The following PDE1C variants were observed in gnomAD, a reference collection of about 807,000 sequenced individuals.
The protein encoded by PDE1C is dual specificity calcium/calmodulin-dependent 3',5'-cyclic nucleotide phosphodiesterase 1C.
In PDE1C, 62 loss-of-function variants were observed where a neutral mutation model predicts 93.1. That is an observed-to-expected ratio of 0.67 (90% CI 0.54 to 0.82). The LOEUF (loss-of-function observed/expected upper bound fraction) is 0.82, where lower values mean the gene tolerates loss of function less well. Ranked by LOEUF, PDE1C falls within the 40% of genes least tolerant of loss-of-function variation. The pLI is 0.00. For synonymous variants in PDE1C, 325 were observed against 310.1 expected, an observed-to-expected ratio of 1.05 and a Z score of -0.50; for missense variants, 742 against 884.6, an observed-to-expected ratio of 0.84 and a Z score of 2.04.
intron 2 of PDE1C, among the ~76,000 whole-genome samples, chr7:32,004,239 G>A (rs527721725): frequency 1.4e-5 from 2 of 142,734 alleles, no homozygotes; most frequent in African/African-American, 5.3e-5. Flanking sequence ...ACACAAAATG[G>A]CCCCCAAAAA....
At chr7:31,676,159 A>C in the PDE1C span, among the ~76,000 whole-genome samples, 14 of 152,328 alleles carry the variant, frequency 9.2e-5, no homozygotes, top group East Asian at 2.7e-3. Flanking sequence ...CAGCTAAGCC[A>C]AGGGCTGTCC....
intron 2 of PDE1C, among the ~76,000 whole-genome samples, chr7:31,891,914 A>T (rs553671345): frequency 3.4e-4 from 52 of 152,254 alleles, no homozygotes; most frequent in Middle Eastern, 3.4e-3. Context: ...GGGTTGTGAA[A>T]TTGTCCTGTA....
At chr7:32,109,291 G>C (rs1798516290) in intron 3 of PDE1C, among the ~76,000 whole-genome samples, 1 of 152,112 alleles carries the variant, frequency 6.6e-6, no homozygotes, top group Non-Finnish European at 1.5e-5. Flanking sequence ...GGATAACATA[G>C]GCTTTAATAA....
intron 1 of PDE1C, among the ~76,000 whole-genome samples, chr7:32,256,446 G>A (rs12701209): frequency 0.12 from 17,725 of 152,106 alleles, 1,106 homozygotes; most frequent in East Asian, 0.15. Context: ...CCTGGAATTC[G>A]CACCCCAGCT....
chr7:31,677,510 A>G, the PDE1C span, among the ~76,000 whole-genome samples: 7 of 152,192 alleles, frequency 4.6e-5, no homozygotes, highest in Admixed American at 1.3e-4. Context: ...GTCTTTGAAC[A>G]TAATTCATCA....
intron 16 of PDE1C, among the ~76,000 whole-genome samples, chr7:31,801,994 A>G (rs1173155943): frequency 2.0e-5 from 3 of 151,562 alleles, no homozygotes; most frequent in Non-Finnish European, 4.4e-5. Flanking sequence ...GTATAAAGGC[A>G]TAATATATTT....
At chr7:31,624,862 C>T in the PDE1C span, among the ~76,000 whole-genome samples, 1 of 152,126 alleles carries the variant, frequency 6.6e-6, no homozygotes, top group African/African-American at 2.4e-5. Flanking sequence ...AAAATTTTCG[C>T]AACCTATTCA....
upstream of PDE1C, among the ~76,000 whole-genome samples, chr7:32,301,685 A>T (rs1812884545): frequency 6.6e-6 from 1 of 152,236 alleles, no homozygotes; most frequent in African/African-American, 2.4e-5. Context: ...TCAAGAAAAA[A>T]TGAGTTCAAG....
chr7:32,036,565 C>T (rs775006284), intron 2 of PDE1C, among the ~76,000 whole-genome samples: 2 of 151,992 alleles, frequency 1.3e-5, no homozygotes, highest in Non-Finnish European at 2.9e-5. Flanking sequence ...AAGTAATAAA[C>T]AAGTAGCAAG....
At chr7:32,089,551 G>A (rs552361311) in intron 3 of PDE1C, among the ~76,000 whole-genome samples, 7 of 152,260 alleles carry the variant, frequency 4.6e-5, no homozygotes, top group Admixed American at 1.3e-4. Context: ...ACCACTAGTC[G>A]AAGGCTACAA....
At chr7:31,742,350 C>G in the PDE1C span, among the ~76,000 whole-genome samples, 1 of 152,182 alleles carries the variant, frequency 6.6e-6, no homozygotes, top group Non-Finnish European at 1.5e-5. Flanking sequence ...GTTTCTGTTT[C>G]TTTTAATAAC....
chr7:32,234,985 C>T (rs1247184172), intron 1 of PDE1C, among the ~76,000 whole-genome samples: 1 of 151,982 alleles, frequency 6.6e-6, no homozygotes, highest in African/African-American at 2.4e-5. Flanking sequence ...ACCATGTTAA[C>T]AGCCTAAAAA....
intron 3 of PDE1C, among the ~76,000 whole-genome samples, chr7:32,082,622 C>T (rs1295894345): frequency 6.6e-6 from 1 of 152,210 alleles, no homozygotes; most frequent in African/African-American, 2.4e-5. Flanking sequence ...CAGACTGACA[C>T]CTCACACGGC....
At chr7:32,171,596 T>C (rs1303338566) in intron 2 of PDE1C, among the ~76,000 whole-genome samples, 1 of 150,724 alleles carries the variant, frequency 6.6e-6, no homozygotes, top group East Asian at 1.9e-4. Context: ...AAATTATTAT[T>C]TTACTTAATG....
the PDE1C span, among the ~76,000 whole-genome samples, chr7:31,633,694 C>CTT: frequency 7.9e-5 from 12 of 152,188 alleles, no homozygotes; most frequent in African/African-American, 2.2e-4. Context: ...GGCTAACTTG[C>CTT]TTGGTGACTC....
At chr7:31,677,846 T>C in the PDE1C span, among the ~76,000 whole-genome samples, 1 of 152,138 alleles carries the variant, frequency 6.6e-6, no homozygotes, top group Non-Finnish European at 1.5e-5. Flanking sequence ...GGTAGAATTA[T>C]CTCTATTTAC....
chr7:32,175,146 C>T (rs1355254298), intron 2 of PDE1C, among the ~76,000 whole-genome samples: 1 of 152,128 alleles, frequency 6.6e-6, no homozygotes, highest in Non-Finnish European at 1.5e-5. Flanking sequence ...GACTAGGATT[C>T]ACTCAACACT....
intron 16 of PDE1C, among the ~76,000 whole-genome samples, chr7:31,799,682 G>A (rs1168876191): frequency 6.6e-6 from 1 of 151,718 alleles, no homozygotes; most frequent in Non-Finnish European, 1.5e-5. Context: ...ATGTAGATAT[G>A]ATTAGAGGCA....
chr7:31,722,456 C>T, the PDE1C span, among the ~76,000 whole-genome samples: 2 of 152,162 alleles, frequency 1.3e-5, no homozygotes, highest in Non-Finnish European at 2.9e-5. Flanking sequence ...CTGCAGAGCT[C>T]ACAGTTTACT....
Sources: gnomAD v4.1 joint callset for allele counts (sites outside exome capture counted in the v4.1 genomes callset) on GRCh38, gnomAD v4.1.1 for gene constraint, MANE v1.5 for transcripts, NCBI Gene and HGNC (gene_info 2026-07-23, HGNC 2026-07-21) for gene names.